Variants in CMPK2 observed in about 807,000 individuals in gnomAD.
CMPK2 encodes the protein UMP-CMP kinase 2, mitochondrial.
A neutral mutation model predicts 33.4 loss-of-function variants in CMPK2; 32 were observed. The ratio of observed to expected loss-of-function variants is 0.96; its 90% CI spans 0.72 to 1.29. CMPK2 has a LOEUF of 1.29. Ranked by LOEUF, CMPK2 falls within the 50% of genes most tolerant of loss-of-function variation. CMPK2 has a pLI of 0.00. For missense variants in CMPK2, 672 were observed against 616.0 expected (o/e 1.09, Z -0.96); for synonymous variants, 299 against 275.3 (o/e 1.09, Z -0.85).
upstream of CMPK2, among the ~76,000 whole-genome samples, chr2:6,866,209 G>A (rs1052909077): frequency 6.6e-6 from 1 of 152,186 alleles, no homozygotes; most frequent in African/African-American, 2.4e-5. Flanking sequence ...ACTTGCAGGC[G>A]CACTACTGCC....
intron 4 of CMPK2, chr2:6,850,552 T>G (rs895918698): frequency 5.8e-6 from 1 of 172,714 alleles, no homozygotes; most frequent in Non-Finnish European, 1.2e-5. Context: ...CATTCACAAC[T>G]CTGCCTGACC....
At position 6,840,615 on chromosome 2, in the gene CMPK2, C is replaced by A. The variant is rs762796568; in HGVS notation, c.1056G>T (p.Gly352=). 124 of 702,134 alleles carry A rather than the reference C, an allele frequency of 1.8e-4. No individual in the cohort carries two copies. The highest frequency in any genetic ancestry group is 2.8e-4 in the Non-Finnish European group (109 of 384,836). The allele number at this position is 702,134 out of a possible 1,614,324, so 43.5% of individuals were successfully genotyped here. A position where few individuals can be genotyped will look rare whatever the true frequency, so the allele number is the denominator to read the frequency against. Residue 352 remains glycine (G), a synonymous_variant, in exon 4 of 4, where the codon GGG becomes GGT. Transcript: ENST00000458098. ...AGTGTGATGAATCCAAGATTCCAGT[C>A]CCACAAACTTCACTGCCGAGCAGGT... is the stretch of plus-strand genomic sequence containing the variant.
chr2:6,847,793 C>T (rs1426637545), downstream of CMPK2, among the ~76,000 whole-genome samples: 1 of 152,170 alleles, frequency 6.6e-6, no homozygotes, highest in Non-Finnish European at 1.5e-5. Context: ...ATACTATTGG[C>T]AAGAAACTAG....
In CMPK2 at chr2:6,861,365, A is replaced by T. The variant is rs1662877023; in HGVS notation, c.811T>A (p.Ser271Thr). 1.2e-6 allele frequency: 2 copies of T among 1,614,036 alleles called. No homozygotes were observed. Among genetic ancestry groups the T allele is most frequent in the African/African-American group, 2.7e-5 (2 of 74,926 alleles). ...DATGKTTVTQ[S>T]VADSLKAVLL... is the part of the protein sequence containing the mutation. ...ACAGCCTTAAGTGAATCTGCCACTG[A>T]CTGGGTCACCGTGGTTTTACCTGCA... The change falls in exon 3 of 5, where the codon TCA becomes ACA. Residue 271 changes from serine to threonine, a missense_variant. By Grantham distance (58) the Ser-to-Thr change is moderately conservative. Transcript: ENST00000256722.
chr2:6,865,839 A>T lies in CMPK2; in HGVS notation c.-143T>A. 1.6e-6 allele frequency: 2 copies of T among 1,281,826 alleles called. No homozygotes were observed. The highest frequency in any genetic ancestry group is 4.2e-5 in the South Asian group (2 of 47,204). 79.4% of individuals were successfully genotyped at this position (1,281,826 alleles called of 1,614,324 possible). A position where few individuals can be genotyped will look rare whatever the true frequency, so the allele number is the denominator to read the frequency against. ...AGCGTTGCGGGGAAACGAAAGCCGGAGGCCCAGGCGGGGCAGGAGCCCTGG... is the reference window on the plus strand; with the variant it reads ...AGCGTTGCGGGGAAACGAAAGCCGGTGGCCCAGGCGGGGCAGGAGCCCTGG... On this transcript the variant is annotated 5_prime_UTR_variant, in exon 1 of 5. Transcript: ENST00000256722.
chr2:6,857,497 T>G (rs370564442), intron 3 of CMPK2, among the ~76,000 whole-genome samples: 2 of 151,864 alleles, frequency 1.3e-5, no homozygotes, highest in South Asian at 4.2e-4. Flanking sequence ...TAAATATTTT[T>G]TGTAGAGACA....
At chr2:6,846,771 C>A (rs1177115560), downstream of CMPK2, among the ~76,000 whole-genome samples, 1 of 152,124 alleles carries the variant, frequency 6.6e-6, no homozygotes, top group Non-Finnish European at 1.5e-5. Flanking sequence ...TCTGTGAAAG[C>A]AAACTAGACT....
downstream of CMPK2, among the ~76,000 whole-genome samples, chr2:6,846,312 G>A (rs771590229): frequency 5.3e-5 from 8 of 152,186 alleles, no homozygotes; most frequent in Non-Finnish European, 8.8e-5. Context: ...CAACCCAAAA[G>A]GAGACGAGGA....
At chr2:6,842,427 T>TA (rs1281136937) in intron 3 of CMPK2, among the ~76,000 whole-genome samples, 3 of 152,184 alleles carry the variant, frequency 2.0e-5, no homozygotes, top group Admixed American at 2.0e-4. Context: ...ATGCTCAACT[T>TA]AGTCACTTCT....
At chr2:6,840,953 G>A (rs1358315062) in intron 3 of CMPK2, among the ~76,000 whole-genome samples, 1 of 152,076 alleles carries the variant, frequency 6.6e-6, no homozygotes, top group Non-Finnish European at 1.5e-5. Context: ...CTGCACTAAG[G>A]CTATAGGAAG....
In CMPK2 at chr2:6,848,516, A is replaced by C; in HGVS notation, c.*1334T>G. On this transcript the variant is annotated 3_prime_UTR_variant, in exon 5 of 5. Coordinates refer to ENST00000256722, the MANE Select transcript of CMPK2 (RefSeq NM_207315.4). ...AATACTTTCAACTGAAATCAATTAC[A>C]TTTTAATATACACATATTATATAGA... 7 of 960,576 alleles carry C rather than the reference A, an allele frequency of 7.3e-6. No homozygotes were observed. The highest frequency in any genetic ancestry group is 8.7e-6 in the Non-Finnish European group (7 of 807,346). The allele number at this position is 960,576 out of a possible 1,614,324, so 59.5% of individuals were successfully genotyped here.
chr2:6,842,151 A>T (rs1186469970), intron 3 of CMPK2, among the ~76,000 whole-genome samples: 1 of 152,106 alleles, frequency 6.6e-6, no homozygotes, highest in Non-Finnish European at 1.5e-5. Flanking sequence ...GCCCAGTCTC[A>T]GTTTTCTAGA....
At chr2:6,854,885 G>A (rs915812369) in intron 3 of CMPK2, among the ~76,000 whole-genome samples, 4 of 152,040 alleles carry the variant, frequency 2.6e-5, no homozygotes, top group African/African-American at 7.2e-5. Context: ...CAGAAAACTG[G>A]GGGACAGAGT....
chr2:6,845,486 C>G (rs538415322), downstream of CMPK2, among the ~76,000 whole-genome samples: 8 of 152,118 alleles, frequency 5.3e-5, no homozygotes, highest in East Asian at 1.6e-3. Flanking sequence ...TCCTCTGGGT[C>G]CCTGCAGCCA....
chr2:6,847,830 G>A (rs1323402443), downstream of CMPK2, among the ~76,000 whole-genome samples: 1 of 152,068 alleles, frequency 6.6e-6, no homozygotes, highest in African/African-American at 2.4e-5. Flanking sequence ...AGCTGTTAAG[G>A]GAGCCTTGGA....
downstream of CMPK2, among the ~76,000 whole-genome samples, chr2:6,847,824 G>A (rs532582256): frequency 6.6e-6 from 1 of 152,142 alleles, no homozygotes; most frequent in African/African-American, 2.4e-5. Context: ...ACCTCCAGCT[G>A]TTAAGGGAGC....
At chr2:6,852,328 C>A (rs1378063970) in intron 3 of CMPK2, among the ~76,000 whole-genome samples, 1 of 152,178 alleles carries the variant, frequency 6.6e-6, no homozygotes, top group Non-Finnish European at 1.5e-5. Flanking sequence ...AAAGTTATTA[C>A]CATACACAAA....
chr2:6,851,055 T>C (rs900565081), intron 4 of CMPK2: 2 of 1,058,528 alleles, frequency 1.9e-6, no homozygotes, highest in African/African-American at 3.3e-5. Flanking sequence ...AAGGATGACA[T>C]AACATCAGTA....
At chr2:6,841,267 A>G (rs1372485323) in intron 3 of CMPK2, among the ~76,000 whole-genome samples, 1 of 152,104 alleles carries the variant, frequency 6.6e-6, no homozygotes, top group Admixed American at 6.5e-5. Context: ...GAAGGCATCC[A>G]CCCACAACAA....
Sources: allele counts gnomAD v4.1 joint callset (sites outside exome capture counted in the v4.1 genomes callset), GRCh38; gene constraint gnomAD v4.1.1; transcripts MANE v1.5; gene names NCBI Gene and HGNC (gene_info 2026-07-23, HGNC 2026-07-21).